The following ELMO1 variants were observed in gnomAD, a reference collection of about 807,000 sequenced individuals.
The protein encoded by ELMO1 is engulfment and cell motility protein 1.
In ELMO1, 26 loss-of-function variants were observed where a neutral mutation model predicts 98.9. The ratio of observed to expected loss-of-function variants is 0.26; its 90% CI spans 0.19 to 0.36. The LOEUF (loss-of-function observed/expected upper bound fraction) is 0.36, where lower values mean the gene tolerates loss of function less well. Among genes scored for constraint, ELMO1 ranks in the 10% least tolerant of loss-of-function variants. ELMO1 has a pLI of 1.00. For missense variants in ELMO1, 627 were observed against 935.2 expected, an observed-to-expected ratio of 0.67 and a Z score of 4.30; for synonymous variants, 346 against 346.0, an observed-to-expected ratio of 1.00 and a Z score of 0.00.
chr7:37,155,487 CAAAA>C (rs781745325), intron 13 of ELMO1, among the ~76,000 whole-genome samples: 1 of 49,680 alleles, frequency 2.0e-5, no homozygotes, highest in African/African-American at 6.7e-5. Context: ...AAACGGAAAG[CAAAA>C]AAAAAAAAAA....
rs551517653 is a variant in ELMO1, at chr7:37,183,469, G to A, written c.1086+27917C>T. 4.6e-5 allele frequency among the ~76,000 whole-genome samples: 7 copies of A among 152,286 alleles called. No individual in the cohort carries two copies. In the South Asian group the frequency reaches 1.2e-3, roughly 27 times the overall value. On this transcript the variant is annotated intron_variant, in intron 13 of 21. Transcript: ENST00000310758. ...GAACCAGAGCCCCAAAGCTTTATTT[G>A]TTCGTGCACTACACATGAATCCAAC...
At chr7:37,314,233 G>C (rs939709615) in intron 4 of ELMO1, among the ~76,000 whole-genome samples, 2 of 152,154 alleles carry the variant, frequency 1.3e-5, no homozygotes, top group Non-Finnish European at 2.9e-5. Context: ...TAATGTGCAT[G>C]GCTCAGTTCC....
intron 4 of ELMO1, among the ~76,000 whole-genome samples, chr7:37,289,092 T>A (rs973384116): frequency 1.3e-5 from 2 of 152,202 alleles, no homozygotes; most frequent in Admixed American, 1.3e-4. Context: ...CATGTTTAGT[T>A]CATCACCAGT....
intron 16 of ELMO1, among the ~76,000 whole-genome samples, chr7:36,923,936 C>T (rs564168534): frequency 5.6e-4 from 85 of 152,180 alleles, no homozygotes; most frequent in African/African-American, 1.9e-3. Flanking sequence ...GTGTGGAACA[C>T]AAACAGTGAG....
intron 20 of ELMO1, among the ~76,000 whole-genome samples, chr7:36,868,431 C>T (rs896473313): frequency 6.6e-6 from 1 of 151,840 alleles, no homozygotes; most frequent in Non-Finnish European, 1.5e-5. Flanking sequence ...TCGCAACCTC[C>T]ACCTCCTGGG....
chr7:36,864,447 G>T (rs996499796), intron 20 of ELMO1, among the ~76,000 whole-genome samples: 1 of 152,210 alleles, frequency 6.6e-6, no homozygotes, highest in African/African-American at 2.4e-5. Flanking sequence ...CTGCCTGGGA[G>T]GGGGTGGGAG....
At chr7:36,907,692 C>A (rs1584349363) in intron 16 of ELMO1, among the ~76,000 whole-genome samples, 1 of 152,328 alleles carries the variant, frequency 6.6e-6, no homozygotes, top group East Asian at 1.9e-4. Flanking sequence ...CACCCGAATG[C>A]AGTCCCTTTC....
chr7:37,434,406 G>A (rs1371485712), intron 1 of ELMO1, among the ~76,000 whole-genome samples: 1 of 152,184 alleles, frequency 6.6e-6, no homozygotes, highest in African/African-American at 2.4e-5. Flanking sequence ...TCATTCCTAA[G>A]TGGTTGCATT....
intron 13 of ELMO1, among the ~76,000 whole-genome samples, chr7:37,159,478 A>C (rs10216057): frequency 0.62 from 93,689 of 151,980 alleles, 31,188 homozygotes; most frequent in Non-Finnish European, 0.74. Context: ...AGGTGGGTGG[A>C]TCACCTGAGG....
intron 1 of ELMO1, among the ~76,000 whole-genome samples, chr7:37,430,377 C>T (rs1804883469): frequency 1.3e-5 from 2 of 152,076 alleles, no homozygotes; most frequent in African/African-American, 2.4e-5. Context: ...CTCAAGTGCC[C>T]AAAGAATGAG....
intron 14 of ELMO1, among the ~76,000 whole-genome samples, chr7:37,114,321 T>C (rs1045231002): frequency 1.3e-5 from 2 of 152,198 alleles, no homozygotes; most frequent in African/African-American, 4.8e-5. Flanking sequence ...ACTGGATTAC[T>C]GTAATGGTGG....
intron 13 of ELMO1, among the ~76,000 whole-genome samples, chr7:37,144,209 T>G (rs1787837380): frequency 6.6e-6 from 1 of 152,038 alleles, no homozygotes; most frequent in Non-Finnish European, 1.5e-5. Context: ...CAGATAAAAA[T>G]AAAAAATATT....
intron 15 of ELMO1, among the ~76,000 whole-genome samples, chr7:37,035,691 G>T (rs1278862342): frequency 1.3e-5 from 2 of 152,128 alleles, no homozygotes; most frequent in African/African-American, 4.8e-5. Context: ...CTTCCTATGG[G>T]TCCATGATGT....
chr7:36,951,969 A>C (rs1021339681), intron 16 of ELMO1, among the ~76,000 whole-genome samples: 1 of 152,204 alleles, frequency 6.6e-6, no homozygotes, highest in Non-Finnish European at 1.5e-5. Flanking sequence ...AGGGACTCTG[A>C]AGTCAAAGAC....
At chr7:37,050,656 AC>A (rs1391145482) in intron 15 of ELMO1, among the ~76,000 whole-genome samples, 134 of 149,938 alleles carry the variant, frequency 8.9e-4, no homozygotes, top group South Asian at 1.9e-3. Context: ...ACACACACAC[AC>A]ACAAAAGGTA....
At chr7:37,178,909 ATAAC>A (rs745403822) in intron 13 of ELMO1, among the ~76,000 whole-genome samples, 2 of 152,258 alleles carry the variant, frequency 1.3e-5, no homozygotes, top group East Asian at 1.9e-4. Flanking sequence ...GAATGAGACT[ATAAC>A]TAAATGCTAC....
At chr7:37,278,264 A>C (rs1796959959) in intron 4 of ELMO1, among the ~76,000 whole-genome samples, 1 of 151,938 alleles carries the variant, frequency 6.6e-6, no homozygotes. Context: ...ATGTGATGAA[A>C]GTCTATAATC....
chr7:37,012,031 G>A (rs767358386), intron 16 of ELMO1, among the ~76,000 whole-genome samples: 2 of 152,166 alleles, frequency 1.3e-5, no homozygotes, highest in African/African-American at 2.4e-5. Context: ...GCTCTGGATT[G>A]CAGCTTCCAG....
chr7:37,010,633 C>G (rs182782006), intron 16 of ELMO1, among the ~76,000 whole-genome samples: 1 of 152,212 alleles, frequency 6.6e-6, no homozygotes, highest in Non-Finnish European at 1.5e-5. Flanking sequence ...GAAACAAATT[C>G]TCTCCTAGAG....
Sources: gnomAD v4.1 joint callset for allele counts (sites outside exome capture counted in the v4.1 genomes callset) on GRCh38, gnomAD v4.1.1 for gene constraint, MANE v1.5 for transcripts, NCBI Gene and HGNC (gene_info 2026-07-23, HGNC 2026-07-21) for gene names.